The following PDGFC variants were observed in gnomAD, a reference collection of about 807,000 sequenced individuals.
The protein encoded by PDGFC is platelet-derived growth factor C.
Under a neutral mutation model 35.5 loss-of-function variants are expected in PDGFC, and 12 were observed. The observed-to-expected ratio is 0.34, with a 90% confidence interval of 0.22 to 0.55. The LOEUF (loss-of-function observed/expected upper bound fraction) is 0.55. Among genes scored for constraint, PDGFC ranks in the 20% least tolerant of loss-of-function variants. PDGFC has a pLI of 0.91. For missense variants in PDGFC, 322 were observed against 412.4 expected (o/e 0.78, Z 1.90); for synonymous variants, 159 against 148.8 (o/e 1.07, Z -0.50).
intron 1 of PDGFC, among the ~76,000 whole-genome samples, chr4:156,933,162 T>C (rs1731594185): frequency 6.6e-6 from 1 of 152,178 alleles, no homozygotes; most frequent in Non-Finnish European, 1.5e-5. Context: ...TCTAATGAAA[T>C]GCAGTCCCAC....
intron 2 of PDGFC, among the ~76,000 whole-genome samples, chr4:156,825,588 A>AAGAAGAAGAAGAAGAAGG (rs1732433683): frequency 1.0e-5 from 1 of 97,288 alleles, no homozygotes; most frequent in African/African-American, 4.6e-5. Context: ...TAATAATAAT[A>AAGAAGAAGAAGAAGAAGG]ATAATAAGAA....
At chr4:156,826,382 T>C (rs1732480494) in intron 2 of PDGFC, among the ~76,000 whole-genome samples, 1 of 151,748 alleles carries the variant, frequency 6.6e-6, no homozygotes, top group Non-Finnish European at 1.5e-5. Flanking sequence ...TTTGTATTTT[T>C]AGTAGAGACA....
At chr4:156,941,495 A>G (rs1017551839) in intron 1 of PDGFC, among the ~76,000 whole-genome samples, 1 of 152,214 alleles carries the variant, frequency 6.6e-6, no homozygotes, top group Non-Finnish European at 1.5e-5. Context: ...GCTGAGAGAA[A>G]CAAGGTGGTT....
chr4:156,790,797 T>C (rs1235064809), intron 3 of PDGFC, among the ~76,000 whole-genome samples: 2 of 152,196 alleles, frequency 1.3e-5, no homozygotes, highest in Non-Finnish European at 2.9e-5. Flanking sequence ...ACAATACAAA[T>C]TAGGTACAGC....
At chr4:156,881,827 CAAA>C (rs758716456) in intron 1 of PDGFC, among the ~76,000 whole-genome samples, 22 of 82,260 alleles carry the variant, frequency 2.7e-4, no homozygotes, top group Non-Finnish European at 3.4e-4. Flanking sequence ...GCCTCAGTCT[CAAA>C]AAAAAAAAAA....
chr4:156,900,980 GA>G (rs1730757548), intron 1 of PDGFC, among the ~76,000 whole-genome samples: 1 of 151,964 alleles, frequency 6.6e-6, no homozygotes, highest in South Asian at 2.1e-4. Flanking sequence ...AAAAAGAGAA[GA>G]GGGCAGAGAA....
chr4:156,837,507 G>T (rs1455956354), intron 2 of PDGFC, among the ~76,000 whole-genome samples: 1 of 151,922 alleles, frequency 6.6e-6, no homozygotes, highest in Admixed American at 6.6e-5. Context: ...TCTAGAAATT[G>T]TTCATATTTA....
Position 156,762,165 on chromosome 4 carries a change from A to C in PDGFC, c.*925T>G, listed in dbSNP as rs1175237727. 1.3e-5 allele frequency: 2 copies of C among 152,652 alleles called. No homozygotes were observed. The highest frequency in any genetic ancestry group is 2.9e-5 in the Non-Finnish European group (2 of 68,038). The allele number at this position is 152,652 out of a possible 1,614,324, so 9.5% of individuals were successfully genotyped here. A position where few individuals can be genotyped will look rare whatever the true frequency, so the allele number is the denominator to read the frequency against. Reference sequence around the variant, plus strand: ...TAACTCTAGCACCATACGAGAATGAAATACATGTATTTTTGTCAGAGCAAC... The same window carrying C: ...TAACTCTAGCACCATACGAGAATGACATACATGTATTTTTGTCAGAGCAAC... On this transcript the variant is annotated 3_prime_UTR_variant, in exon 6 of 6. Coordinates refer to ENST00000502773, the MANE Select transcript of PDGFC (RefSeq NM_016205.3).
chr4:156,845,755 T>C (rs1729311024), intron 2 of PDGFC, among the ~76,000 whole-genome samples: 1 of 151,856 alleles, frequency 6.6e-6, no homozygotes, highest in Admixed American at 6.6e-5. Flanking sequence ...AACATCTGAT[T>C]GACCACTTTA....
intron 1 of PDGFC, among the ~76,000 whole-genome samples, chr4:156,937,909 G>C (rs1428517851): frequency 2.0e-5 from 3 of 151,968 alleles, no homozygotes; most frequent in Non-Finnish European, 2.9e-5. Context: ...GAATAATGAA[G>C]AAATTACAGA....
chr4:156,815,904 T>G (rs867908021), intron 2 of PDGFC, among the ~76,000 whole-genome samples: 2 of 152,164 alleles, frequency 1.3e-5, no homozygotes, highest in Non-Finnish European at 2.9e-5. Context: ...TTTATAATGA[T>G]CACTCCCTTT....
chr4:156,840,494 G>A (rs1430192584), intron 2 of PDGFC, among the ~76,000 whole-genome samples: 3 of 152,238 alleles, frequency 2.0e-5, no homozygotes, highest in African/African-American at 7.2e-5. Context: ...GTCTCCTGCA[G>A]GGGTGGAGCC....
intron 1 of PDGFC, among the ~76,000 whole-genome samples, chr4:156,952,146 TC>T (rs1180009886): frequency 6.6e-6 from 1 of 151,808 alleles, no homozygotes; most frequent in Non-Finnish European, 1.5e-5. Flanking sequence ...TTTCAAATAA[TC>T]AAAACTGTAT....
At chr4:156,940,220 G>T (rs1560882912) in intron 1 of PDGFC, among the ~76,000 whole-genome samples, 1 of 151,966 alleles carries the variant, frequency 6.6e-6, no homozygotes, top group East Asian at 1.9e-4. Flanking sequence ...TCCTTCCTGG[G>T]TACTTAAATA....
Position 156,765,219 on chromosome 4 carries a change from G to T in PDGFC, c.922-2013C>A, listed in dbSNP as rs186862167. ...ATTCATTTTGAAAGTTTTGACTTTG[G>T]TGGAGAAAAATAGACTTGGAAAATG... is the stretch of plus-strand genomic sequence containing the variant. On this transcript the variant is annotated intron_variant, in intron 5 of 5. Coordinates refer to ENST00000502773, the MANE Select transcript of PDGFC (RefSeq NM_016205.3). 2.2e-3 allele frequency among the ~76,000 whole-genome samples: 340 copies of T among 152,256 alleles called. 3 individuals are homozygous for T. Among genetic ancestry groups the T allele is most frequent in the Admixed American group, 0.018 (281 of 15,272 alleles).
At chr4:156,948,345 C>A (rs949574421) in intron 1 of PDGFC, among the ~76,000 whole-genome samples, 1 of 151,826 alleles carries the variant, frequency 6.6e-6, no homozygotes, top group African/African-American at 2.4e-5. Context: ...CCAAAAACAA[C>A]ATAGATAATT....
chr4:156,947,807 C>T (rs1033058685), intron 1 of PDGFC, among the ~76,000 whole-genome samples: 2 of 151,912 alleles, frequency 1.3e-5, no homozygotes, highest in Admixed American at 1.3e-4. Context: ...ACTATGATGT[C>T]CATATACTGT....
At chr4:156,859,342 T>C (rs1729655131) in intron 1 of PDGFC, among the ~76,000 whole-genome samples, 1 of 152,090 alleles carries the variant, frequency 6.6e-6, no homozygotes, top group East Asian at 1.9e-4. Flanking sequence ...GGAATGCTAA[T>C]TGAGGGCAAG....
chr4:156,892,124 A>G (rs1730529369), intron 1 of PDGFC, among the ~76,000 whole-genome samples: 1 of 152,182 alleles, frequency 6.6e-6, no homozygotes, highest in Non-Finnish European at 1.5e-5. Flanking sequence ...TATAATCCGA[A>G]TCAATTAAAA....
Sources: allele counts gnomAD v4.1 joint callset (sites outside exome capture counted in the v4.1 genomes callset), GRCh38; gene constraint gnomAD v4.1.1; transcripts MANE v1.5; gene names NCBI Gene and HGNC (gene_info 2026-07-23, HGNC 2026-07-21).